UBR2: variants seen among roughly 807,000 people sequenced by gnomAD.
UBR2 encodes the protein ubiquitin protein ligase E3 component n-recognin 2, also known as E3 ubiquitin-protein ligase UBR2.
A neutral mutation model predicts 247.9 loss-of-function variants in UBR2; 92 were observed. The ratio of observed to expected loss-of-function variants is 0.37; its 90% CI spans 0.31 to 0.44. The LOEUF is 0.44. Ranked by LOEUF, UBR2 falls within the 20% of genes least tolerant of loss-of-function variation. The pLI, the probability that UBR2 is intolerant of heterozygous loss-of-function variation, is 1.00. For missense variants in UBR2, 1,613 were observed against 2,112.6 expected (o/e 0.76, Z 4.64); for synonymous variants, 672 against 693.5 (o/e 0.97, Z 0.49).
intron 10 of UBR2, 119 bp from the exon 11 acceptor site, chr6:42,617,290 A>C: frequency 6.2e-7 from 1 of 1,614,176 alleles, no homozygotes; most frequent in Non-Finnish European, 8.5e-7. Context: ...ACGAGCGAGC[A>C]GTGTCGGTGA....
intron 11 of UBR2, among the ~76,000 whole-genome samples, chr6:42,623,497 GCT>G (rs1485042945): frequency 6.6e-6 from 1 of 152,128 alleles, no homozygotes; most frequent in South Asian, 2.1e-4. Context: ...TGTCGCGCAG[GCT>G]GGAGTGCAGT....
rs1451863648 is a variant in UBR2 at position 42,659,267 on chromosome 6, G to A, written c.3243-389G>A. 2.0e-5 allele frequency among the ~76,000 whole-genome samples: 3 copies of A among 152,020 alleles called. No homozygotes were observed. Among genetic ancestry groups the A allele is most frequent in the African/African-American group, 4.8e-5 (2 of 41,392 alleles). ...TCCCAGCACTTCGGGAGGCCAAGGC[G>A]GGCGGATCACAAGGTGAGGAGTTCG... On this transcript the variant is annotated intron_variant, in intron 29 of 46. Transcript: ENST00000372901. The surrounding 1 kb of genome is among the most constrained non-coding windows in gnomAD (Gnocchi z 4.3).
At chr6:42,674,225 C>A (rs1472808358) in intron 38 of UBR2, 32 bp downstream of exon 38, 4 of 1,599,690 alleles carry the variant, frequency 2.5e-6, no homozygotes, top group East Asian at 4.5e-5. Context: ...TGGACTTCTA[C>A]GTCATACTAT....
intron 11 of UBR2, among the ~76,000 whole-genome samples, chr6:42,621,976 T>C (rs1795016571): frequency 6.6e-6 from 1 of 152,184 alleles, no homozygotes; most frequent in Non-Finnish European, 1.5e-5. Flanking sequence ...AAAAATTTCT[T>C]TCAATACTTT....
At chr6:42,673,100 C>T (rs1251468272) in intron 36 of UBR2, among the ~76,000 whole-genome samples, 1 of 152,116 alleles carries the variant, frequency 6.6e-6, no homozygotes, top group Non-Finnish European at 1.5e-5. Context: ...ATTACTGCTA[C>T]TTAGTCCTCA....
At chr6:42,684,755 A>G (rs769670543) in intron 43 of UBR2, 39 bp from the exon 44 acceptor site, 152 of 1,532,170 alleles carry the variant, frequency 9.9e-5, no homozygotes, top group Non-Finnish European at 1.3e-4. Context: ...ATATGACCTA[A>G]ATTAATGGAG....
In UBR2 at chr6:42,652,503, C is replaced by T. The variant is rs754591447; in HGVS notation, c.2627C>T (p.Pro876Leu). Reference sequence around the variant, plus strand: ...ACTGTATTTTCAGCACTCCCACCTCCGGTGTTGCCTCCATTCTGCCCTCTG... The same window carrying T: ...ACTGTATTTTCAGCACTCCCACCTCTGGTGTTGCCTCCATTCTGCCCTCTG... ...QNREDTALPP[P>L]VLPPFCPLFA... The change falls in exon 25 of 47, where the codon CCG (proline) becomes CTG (leucine). Residue 876 changes from proline to leucine, a missense_variant. Pro to Leu is a moderately conservative substitution (Grantham distance 98, BLOSUM62 -3). Transcript: ENST00000372901. 1.9e-5 allele frequency: 31 copies of T among 1,605,662 alleles called. No homozygotes were observed. In the South Asian group the frequency reaches 2.0e-4, roughly 11 times the overall value.
chr6:42,584,006 T>C (rs1015790557), intron 2 of UBR2, among the ~76,000 whole-genome samples: 2 of 150,918 alleles, frequency 1.3e-5, no homozygotes, highest in Non-Finnish European at 3.0e-5. Flanking sequence ...TTTTTTTTTT[T>C]TTTTTTTTGA....
rs1398081054 is a variant in UBR2, at chr6:42,691,535, G to A, written c.*362G>A. On this transcript the variant is annotated 3_prime_UTR_variant, in exon 47 of 47. Coordinates refer to ENST00000372901, the MANE Select transcript of UBR2 (RefSeq NM_001363705.2). ...TCCGAAGCTGACTCAACGGAGGCAG[G>A]GAACAAAGTCTCTGTGGTCTGTTGG... The A allele has an allele frequency of 3.5e-6, 1 of 282,852 alleles. No homozygotes were observed. The highest frequency in any genetic ancestry group is 6.8e-6 in the Non-Finnish European group (1 of 147,880). 17.5% of individuals were successfully genotyped at this position (282,852 alleles called of 1,614,324 possible).
At chr6:42,658,368 C>G (rs946717252) in intron 28 of UBR2, 48 bp downstream of exon 28, 4 of 1,514,312 alleles carry the variant, frequency 2.6e-6, no homozygotes. Flanking sequence ...ACAGCAAGTT[C>G]AGTATGAACA....
chr6:42,579,752 C>T (rs1056236900), intron 2 of UBR2, among the ~76,000 whole-genome samples: 1 of 152,172 alleles, frequency 6.6e-6, no homozygotes, highest in Non-Finnish European at 1.5e-5. Flanking sequence ...AAGAGATCCT[C>T]CCACCTTGGC....
At chr6:42,619,604 C>T in intron 11 of UBR2, 1 of 209,126 alleles carries the variant, frequency 4.8e-6, no homozygotes, top group Middle Eastern at 1.8e-3. Context: ...GAAAAATTAG[C>T]CAGGCGTGGT....
chr6:42,611,658 T>A (rs1471147200), intron 7 of UBR2, among the ~76,000 whole-genome samples: 1 of 152,002 alleles, frequency 6.6e-6, no homozygotes, highest in Non-Finnish European at 1.5e-5. Context: ...GTAATCCCAG[T>A]GCTTTGGGAG....
intron 24 of UBR2, 75 bp from the exon 25 acceptor site, chr6:42,652,416 T>C: frequency 6.8e-7 from 1 of 1,465,384 alleles, no homozygotes; most frequent in Non-Finnish European, 9.2e-7. Context: ...GAGTTAAAAC[T>C]ATCAAAAGTA....
At chr6:42,607,661 TGTCCCACCACTCCCAGCTGGGAG>T (rs1793790818) in intron 7 of UBR2, among the ~76,000 whole-genome samples, 2 of 28,448 alleles carry the variant, frequency 7.0e-5, no homozygotes, top group African/African-American at 1.3e-4. Flanking sequence ...AGGACAGGCA[TGTCCCACCACTCCCAGCTGGGAG>T]GACAGGCATG....
At chr6:42,607,712 G>GTT (rs370045491) in intron 7 of UBR2, among the ~76,000 whole-genome samples, 14 of 50,802 alleles carry the variant, frequency 2.8e-4, no homozygotes, top group African/African-American at 6.8e-4. Context: ...ACTCCCAGCT[G>GTT]TTTTTTTTTT....
rs771473220 is a variant in UBR2, at chr6:42,666,157, G to A, written c.3803-10G>A. On this transcript the variant is annotated splice_polypyrimidine_tract_variant and intron_variant, in intron 33 of 46. Transcript: ENST00000372901. ...TATTGAATAATAGTATAAAATGCCT[G>A]TTTCTATAGATAATGCCTCTACAAA... The A allele has an allele frequency of 6.2e-7, 1 of 1,606,662 alleles. No individual in the cohort carries two copies.
At position 42,592,149 on chromosome 6, in the gene UBR2, A is replaced by G; in HGVS notation, c.339-2A>G. The G allele has an allele frequency of 6.2e-7, 1 of 1,601,340 alleles. No individual in the cohort carries two copies. Among genetic ancestry groups the G allele is most frequent in the Non-Finnish European group, 8.5e-7 (1 of 1,176,460 alleles). The stretch of plus-strand genomic sequence containing the variant: ...TTTGATTTTTTTTTTTTAACTTTAC[A>G]GAGACTGTGCAGTTGATCCAACTTG... On this transcript the variant is annotated splice_acceptor_variant, in intron 2 of 46. Coordinates refer to ENST00000372901, the MANE Select transcript of UBR2 (RefSeq NM_001363705.2). LOFTEE classifies it high-confidence loss of function.
intron 21 of UBR2, among the ~76,000 whole-genome samples, chr6:42,646,510 A>C (rs941034071): frequency 6.6e-6 from 1 of 152,136 alleles, no homozygotes; most frequent in African/African-American, 2.4e-5. Context: ...TCATCTATAA[A>C]TAGGACTATA....
Sources: gnomAD v4.1 joint callset for allele counts (sites outside exome capture counted in the v4.1 genomes callset) on GRCh38, gnomAD v4.1.1 for gene constraint, Gnocchi (gnomAD v3.1) non-coding constraint, MANE v1.5 for transcripts, NCBI Gene and HGNC (gene_info 2026-07-23, HGNC 2026-07-21) for gene names.